The following UBE2E2 variants were observed in gnomAD, a reference collection of about 807,000 sequenced individuals.
UBE2E2 encodes ubiquitin conjugating enzyme E2 E2.
In UBE2E2, 6 loss-of-function variants were observed where a neutral mutation model predicts 24.7. The ratio of observed to expected loss-of-function variants is 0.24; its 90% confidence interval spans 0.13 to 0.48. The LOEUF is 0.48. Among genes scored for constraint, UBE2E2 ranks in the 20% least tolerant of loss-of-function variants. UBE2E2 has a pLI of 0.99. For synonymous variants in UBE2E2, 104 were observed against 83.6 expected, an observed-to-expected ratio of 1.24 and a Z score of -1.33; for missense variants, 169 against 245.0, an observed-to-expected ratio of 0.69 and a Z score of 2.07.
chr3:23,237,890 G>A (rs1269616869), intron 3 of UBE2E2, among the ~76,000 whole-genome samples: 2 of 152,084 alleles, frequency 1.3e-5, no homozygotes, highest in African/African-American at 4.8e-5. Context: ...TCTTCAGAAC[G>A]TGGGCTTAAA....
rs559773639 is a variant in UBE2E2 at position 23,571,809 on chromosome 3, A to G, written c.509-17925A>G. Among the ~76,000 whole-genome samples, 13 of 152,318 alleles carry G rather than the reference A, an allele frequency of 8.5e-5. No homozygotes were observed. In the East Asian group the frequency reaches 2.5e-3, roughly 29 times the overall value. On this transcript the variant is annotated intron_variant, in intron 5 of 5. Coordinates refer to ENST00000396703, the MANE Select transcript of UBE2E2 (RefSeq NM_152653.4). ...AACGAATCTCTTGGTACCCTCCCGA[A>G]GTGGCTTTGAGAAAGGAAAGCCATC...
chr3:23,235,798 G>A (rs1466373880), intron 3 of UBE2E2, among the ~76,000 whole-genome samples: 2 of 152,030 alleles, frequency 1.3e-5, no homozygotes, highest in Non-Finnish European at 2.9e-5. Flanking sequence ...TTTTGAGATG[G>A]GGAAGATTTC....
chr3:23,550,755 T>C (rs1030253200), intron 5 of UBE2E2, among the ~76,000 whole-genome samples: 4 of 152,120 alleles, frequency 2.6e-5, no homozygotes, highest in Non-Finnish European at 5.9e-5. Context: ...TCCAGGATAC[T>C]GTACAAGGAG....
chr3:23,543,808 A>G (rs756625632), intron 5 of UBE2E2, among the ~76,000 whole-genome samples: 10 of 152,226 alleles, frequency 6.6e-5, no homozygotes, highest in Non-Finnish European at 1.2e-4. Context: ...ATGTTACTTG[A>G]TTTCAAATTA....
intron 3 of UBE2E2, among the ~76,000 whole-genome samples, chr3:23,306,255 T>A (rs531899395): frequency 6.6e-6 from 1 of 152,366 alleles, no homozygotes; most frequent in African/African-American, 2.4e-5. Flanking sequence ...CATTTGACTG[T>A]CTGTGTCTCA....
chr3:23,321,305 C>T (rs961528432), intron 3 of UBE2E2, among the ~76,000 whole-genome samples: 1 of 152,114 alleles, frequency 6.6e-6, no homozygotes, highest in East Asian at 1.9e-4. Flanking sequence ...AGAGCTTGTT[C>T]TTTACCAGCT....
intron 4 of UBE2E2, among the ~76,000 whole-genome samples, chr3:23,504,887 A>G (rs140196771): frequency 2.6e-4 from 37 of 141,464 alleles, no homozygotes; most frequent in Middle Eastern, 3.8e-3. Flanking sequence ...CTCTGTGTCT[A>G]ATGTTTCTGT....
chr3:23,568,475 C>T (rs1696131946), intron 5 of UBE2E2, among the ~76,000 whole-genome samples: 1 of 151,356 alleles, frequency 6.6e-6, no homozygotes, highest in South Asian at 2.1e-4. Context: ...AAGAGACAAT[C>T]AGGATAATCT....
At chr3:23,396,068 CTTTT>C (rs1697065563) in intron 3 of UBE2E2, among the ~76,000 whole-genome samples, 1 of 151,728 alleles carries the variant, frequency 6.6e-6, no homozygotes, top group Admixed American at 6.6e-5. Context: ...AAGAATAGTT[CTTTT>C]GATTGTTGTG....
Position 23,394,014 on chromosome 3 carries a change from T to G in UBE2E2, c.228-105594T>G, listed in dbSNP as rs1193339695. On this transcript the variant is annotated intron_variant, in intron 3 of 5. Coordinates refer to ENST00000396703, the MANE Select transcript of UBE2E2 (RefSeq NM_152653.4). Reference sequence around the variant, plus strand: ...GCTAACACCTGCCTTAGAGCATTACTGTATTTGTTGACTGATGAAAACAGA... The same window carrying G: ...GCTAACACCTGCCTTAGAGCATTACGGTATTTGTTGACTGATGAAAACAGA... Among the ~76,000 whole-genome samples the G allele has an allele frequency of 1.1e-4, 17 of 152,196 alleles. No homozygotes were observed. The East Asian group carries it at 3.3e-3, about 29-fold the overall frequency.
intron 3 of UBE2E2, among the ~76,000 whole-genome samples, chr3:23,300,198 C>A (rs1307781342): frequency 6.6e-6 from 1 of 152,088 alleles, no homozygotes; most frequent in Non-Finnish European, 1.5e-5. Context: ...AGATGGGTTT[C>A]CTGAATACAG....
chr3:23,289,869 A>C (rs1698714900), intron 3 of UBE2E2, among the ~76,000 whole-genome samples: 1 of 152,214 alleles, frequency 6.6e-6, no homozygotes, highest in Admixed American at 6.5e-5. Context: ...GTAGGAACAG[A>C]ATGGTTCTGT....
chr3:23,418,603 G>T (rs115870060), intron 3 of UBE2E2, among the ~76,000 whole-genome samples: 444 of 152,344 alleles, frequency 2.9e-3, no homozygotes, highest in African/African-American at 0.01. Flanking sequence ...GTATAGAGTT[G>T]TCAGCCAAGA....
intron 3 of UBE2E2, among the ~76,000 whole-genome samples, chr3:23,353,548 C>T (rs893497458): frequency 6.6e-6 from 1 of 152,170 alleles, no homozygotes; most frequent in African/African-American, 2.4e-5. Context: ...TCTCAGGATA[C>T]AAAATCAATG....
At chr3:23,447,303 A>G (rs1378511820) in intron 3 of UBE2E2, among the ~76,000 whole-genome samples, 1 of 152,194 alleles carries the variant, frequency 6.6e-6, no homozygotes, top group Non-Finnish European at 1.5e-5. Flanking sequence ...GGTGAAAGGA[A>G]GTGAAAGAAA....
intron 3 of UBE2E2, among the ~76,000 whole-genome samples, chr3:23,440,166 C>G (rs545378987): frequency 1.3e-5 from 2 of 151,932 alleles, no homozygotes; most frequent in Non-Finnish European, 2.9e-5. Flanking sequence ...CCCAGCTACT[C>G]GGAGGGCTGA....
At chr3:23,502,416 T>A (rs1408224014) in intron 4 of UBE2E2, among the ~76,000 whole-genome samples, 1 of 152,148 alleles carries the variant, frequency 6.6e-6, no homozygotes, top group African/African-American at 2.4e-5. Context: ...ATAAAATTAG[T>A]CCGTAGCATG....
intron 4 of UBE2E2, among the ~76,000 whole-genome samples, chr3:23,526,213 A>T (rs191336977): frequency 9.4e-4 from 143 of 152,320 alleles, no homozygotes; most frequent in African/African-American, 3.3e-3. Context: ...TTGAATGCTT[A>T]CTGAATTTAT....
At chr3:23,352,401 A>G (rs1268251979) in intron 3 of UBE2E2, among the ~76,000 whole-genome samples, 2 of 152,168 alleles carry the variant, frequency 1.3e-5, no homozygotes, top group Non-Finnish European at 2.9e-5. Context: ...AACTGAAGGA[A>G]ATAGAGACAC....
Sources: gnomAD v4.1 joint callset for allele counts (sites outside exome capture counted in the v4.1 genomes callset) on GRCh38, gnomAD v4.1.1 for gene constraint, MANE v1.5 for transcripts, NCBI Gene and HGNC (gene_info 2026-07-23, HGNC 2026-07-21) for gene names.